The following TLCD4 variants were observed in gnomAD, a reference collection of about 807,000 sequenced individuals.
TLCD4 encodes TLC domain containing 4.
In TLCD4, 7 loss-of-function variants were observed where a neutral mutation model predicts 24.2. The ratio of observed to expected loss-of-function variants is 0.29; its 90% CI spans 0.16 to 0.54. TLCD4 has a LOEUF of 0.54. Ranked by LOEUF, TLCD4 falls within the 20% of genes least tolerant of loss-of-function variation. The probability of loss-of-function intolerance (pLI) is 0.95; values close to 1 mark genes in which losing one functional copy is unlikely to be tolerated. For missense variants in TLCD4, 259 were observed against 313.9 expected, an observed-to-expected ratio of 0.82 and a Z score of 1.32; for synonymous variants, 103 against 106.4, an observed-to-expected ratio of 0.97 and a Z score of 0.20.
At chr1:95,105,634 G>T in the TLCD4 span, among the ~76,000 whole-genome samples, 2 of 152,046 alleles carry the variant, frequency 1.3e-5, no homozygotes, top group Non-Finnish European at 2.9e-5. Flanking sequence ...GGTGGCTCAC[G>T]CCTGTAATCC....
Position 95,182,137 on chromosome 1 carries a change from T to C in TLCD4, c.473+8248T>C, listed in dbSNP as rs185171171. Among the ~76,000 whole-genome samples the C allele has an allele frequency of 3.9e-5, 6 of 152,348 alleles. No homozygotes were observed. In the East Asian group the frequency reaches 1.2e-3, roughly 29 times the overall value. On this transcript the variant is annotated intron_variant, in intron 6 of 6. Transcript: ENST00000370203. ...AAATTTTCCAATATTCTGATTTTCA[T>C]TTGAAAGTTCAGATTTTGTTGTTGG...
At chr1:95,105,893 TTAAAAAAAA>T in the TLCD4 span, among the ~76,000 whole-genome samples, 19 of 102,888 alleles carry the variant, frequency 1.8e-4, 2 homozygotes, top group Middle Eastern at 6.2e-3. Flanking sequence ...AGACTCCGTC[TTAAAAAAAA>T]AAAAAAAAAA....
chr1:95,103,733 T>G, the TLCD4 span, among the ~76,000 whole-genome samples: 1 of 152,254 alleles, frequency 6.6e-6, no homozygotes, highest in Admixed American at 6.5e-5. Context: ...TGTATTTAGC[T>G]ATTGGTTATG....
chr1:95,148,035 A>T (rs1240232716), intron 2 of TLCD4, among the ~76,000 whole-genome samples: 1 of 152,188 alleles, frequency 6.6e-6, no homozygotes, highest in East Asian at 1.9e-4. Flanking sequence ...TCTTTTAAAA[A>T]CAAATTTTCC....
At chr1:95,102,908 A>G in the TLCD4 span, among the ~76,000 whole-genome samples, 2 of 151,536 alleles carry the variant, frequency 1.3e-5, no homozygotes, top group Non-Finnish European at 2.9e-5. Flanking sequence ...ATAAAGTACT[A>G]TATATATATA....
chr1:95,154,047 A>G (rs182931090), intron 5 of TLCD4, among the ~76,000 whole-genome samples: 11 of 152,300 alleles, frequency 7.2e-5, no homozygotes, highest in Admixed American at 2.6e-4. Context: ...CTTTAGTCAG[A>G]TAGATATAAA....
intron 3 of TLCD4, among the ~76,000 whole-genome samples, chr1:95,149,121 A>G (rs6695720): frequency 0.99 from 150,155 of 152,272 alleles, 74,065 homozygotes; most frequent in East Asian, 1. Context: ...GAGATAGGGT[A>G]GTCAACTTGG....
intron 5 of TLCD4, among the ~76,000 whole-genome samples, chr1:95,161,995 G>C (rs559052378): frequency 1.8e-4 from 28 of 152,330 alleles, no homozygotes; most frequent in African/African-American, 6.0e-4. Flanking sequence ...GGGGTGGAGA[G>C]TTCTGTAGAT....
At chr1:95,180,201 T>A (rs1678584903) in intron 6 of TLCD4, among the ~76,000 whole-genome samples, 1 of 152,228 alleles carries the variant, frequency 6.6e-6, no homozygotes, top group African/African-American at 2.4e-5. Context: ...ATTATGAGAT[T>A]TTGAAGCAGG....
rs187397642 is a variant in TLCD4, at chr1:95,150,514, C to T, written c.304+248C>T. ...CTGAGGCCTGGACATTTTTTATCAG[C>T]AAGGATATGGTCCCTCTTTGTCCTA... On this transcript the variant is annotated intron_variant, in intron 4 of 6. Coordinates refer to ENST00000370203, the MANE Select transcript of TLCD4 (RefSeq NM_152487.3). Among the ~76,000 whole-genome samples, 540 of 152,182 alleles carry T rather than the reference C, an allele frequency of 3.5e-3. 1 individual carries two copies. Among genetic ancestry groups the T allele is most frequent in the Non-Finnish European group, 6.2e-3 (422 of 67,988 alleles).
chr1:95,151,426 TC>T lies in TLCD4; in HGVS notation c.399+9del. The T allele has an allele frequency of 6.2e-7, 1 of 1,610,448 alleles. No individual in the cohort carries two copies. The highest frequency in any genetic ancestry group is 2.2e-5 in the East Asian group (1 of 44,794). On this transcript the variant is annotated splice_region_variant and intron_variant, in intron 5 of 6. Coordinates refer to ENST00000370203, the MANE Select transcript of TLCD4 (RefSeq NM_152487.3). ...TGCATACTACCTTGTACTGGTGAGT[TC>T]CAGGATTTTCTGTAGCCTAACTAGC...
intron 1 of TLCD4, among the ~76,000 whole-genome samples, chr1:95,123,625 A>T (rs1009872890): frequency 6.6e-6 from 1 of 152,194 alleles, no homozygotes; most frequent in African/African-American, 2.4e-5. Context: ...AAACACACCT[A>T]GTTATCAGTT....
chr1:95,126,162 C>T (rs1262380805), intron 1 of TLCD4, among the ~76,000 whole-genome samples: 1 of 151,696 alleles, frequency 6.6e-6, no homozygotes, highest in Non-Finnish European at 1.5e-5. Context: ...CGCAGTGGCT[C>T]ATGCCTCTAA....
chr1:95,154,252 G>C (rs758613163), intron 5 of TLCD4, among the ~76,000 whole-genome samples: 6 of 152,148 alleles, frequency 3.9e-5, no homozygotes, highest in Non-Finnish European at 5.9e-5. Context: ...GTAACCCTAG[G>C]AGGAAGAGGT....
chr1:95,154,126 T>C (rs1187893044), intron 5 of TLCD4, among the ~76,000 whole-genome samples: 2 of 152,202 alleles, frequency 1.3e-5, no homozygotes, highest in East Asian at 3.8e-4. Flanking sequence ...TCTATTCTAA[T>C]TCTGAGATTC....
intron 5 of TLCD4, among the ~76,000 whole-genome samples, chr1:95,171,587 T>C (rs765411050): frequency 1.2e-4 from 18 of 152,336 alleles, no homozygotes; most frequent in Non-Finnish European, 2.2e-4. Context: ...AGAACAGTTA[T>C]GATATCAACA....
chr1:95,110,911 C>G, the TLCD4 span, among the ~76,000 whole-genome samples: 3 of 145,796 alleles, frequency 2.1e-5, no homozygotes, highest in Admixed American at 6.8e-5. Flanking sequence ...AGCATATAAA[C>G]TGGTGATTGA....
chr1:95,124,867 A>G (rs2100905654), intron 1 of TLCD4, among the ~76,000 whole-genome samples: 2 of 152,206 alleles, frequency 1.3e-5, no homozygotes, highest in East Asian at 3.9e-4. Flanking sequence ...AAAACAAAAC[A>G]ACAAACACCA....
chr1:95,126,096 A>G lies in TLCD4; in HGVS notation c.-12+8479A>G, dbSNP rs565868425. Among the ~76,000 whole-genome samples, 3 of 151,320 alleles carry G rather than the reference A, an allele frequency of 2.0e-5. No homozygotes were observed. In the South Asian group the frequency reaches 6.3e-4, roughly 32 times the overall value. On this transcript the variant is annotated intron_variant, in intron 1 of 6. Coordinates refer to ENST00000370203, the MANE Select transcript of TLCD4 (RefSeq NM_152487.3). ...CACTTGTGTTCAGTAGTTTGAGACC[A>G]GCCTGGACAACATAGCGAGACGCCA...
Sources: gnomAD v4.1 joint callset for allele counts (sites outside exome capture counted in the v4.1 genomes callset) on GRCh38, gnomAD v4.1.1 for gene constraint, MANE v1.5 for transcripts, NCBI Gene and HGNC (gene_info 2026-07-23, HGNC 2026-07-21) for gene names.